The following INPP5A variants were observed in gnomAD, a reference collection of about 807,000 sequenced individuals.
INPP5A encodes inositol polyphosphate-5-phosphatase A.
Under a neutral mutation model 65.2 loss-of-function variants are expected in INPP5A, and 14 were observed. The ratio of observed to expected loss-of-function variants is 0.21; its 90% confidence interval spans 0.14 to 0.34. The LOEUF (loss-of-function observed/expected upper bound fraction) is 0.34. Ranked by LOEUF, INPP5A falls within the 10% of genes least tolerant of loss-of-function variation. The pLI, the probability that INPP5A is intolerant of heterozygous loss-of-function variation, is 1.00. For missense variants in INPP5A, 431 were observed against 545.6 expected (o/e 0.79, Z 2.09); for synonymous variants, 207 against 208.3 (o/e 0.99, Z 0.05).
chr10:132,733,847 C>T (rs898481355), intron 9 of INPP5A, among the ~76,000 whole-genome samples: 2 of 152,250 alleles, frequency 1.3e-5, no homozygotes, highest in Admixed American at 6.5e-5. Context: ...CTCCACTTGG[C>T]CCTGTGGCAC....
rs1000825434 is a variant in INPP5A, at chr10:132,749,405, C to T, written c.733-112C>T. On this transcript the variant is annotated intron_variant, in intron 9 of 15. Coordinates refer to ENST00000368594, the MANE Select transcript of INPP5A (RefSeq NM_005539.5). Reference sequence around the variant, plus strand: ...AGGTGCGGAAATCTGGGTGTGACACCAGCTGCTGTCTGGAACCAGCCATCC... The same window carrying T: ...AGGTGCGGAAATCTGGGTGTGACACTAGCTGCTGTCTGGAACCAGCCATCC... 1.1e-5 allele frequency: 10 copies of T among 933,924 alleles called. No homozygotes were observed. In the Admixed American group the frequency reaches 1.2e-4, roughly 11 times the overall value. 57.9% of individuals were successfully genotyped at this position (933,924 alleles called of 1,614,324 possible). A position where few individuals can be genotyped will look rare whatever the true frequency, so the allele number is the denominator to read the frequency against.
At chr10:132,726,060 GT>G (rs1468020090) in intron 8 of INPP5A, among the ~76,000 whole-genome samples, 1 of 152,062 alleles carries the variant, frequency 6.6e-6, no homozygotes, top group Non-Finnish European at 1.5e-5. Flanking sequence ...GTTTGAGTGA[GT>G]TGGCGGTTTC....
At chr10:132,544,784 T>C (rs1318470652) in intron 1 of INPP5A, among the ~76,000 whole-genome samples, 1 of 152,142 alleles carries the variant, frequency 6.6e-6, no homozygotes, top group Non-Finnish European at 1.5e-5. Context: ...CAGGCTGTGC[T>C]CTTTGGATTG....
chr10:132,583,772 A>C (rs370317045), intron 1 of INPP5A, among the ~76,000 whole-genome samples: 6 of 152,186 alleles, frequency 3.9e-5, no homozygotes, highest in Non-Finnish European at 8.8e-5. Flanking sequence ...ACTTGGTCAC[A>C]TTATATTCCT....
intron 1 of INPP5A, among the ~76,000 whole-genome samples, chr10:132,556,782 T>TG (rs2071132678): frequency 6.6e-6 from 1 of 152,168 alleles, no homozygotes; most frequent in South Asian, 2.1e-4. Flanking sequence ...GGGGATTTTT[T>TG]TTTTTGGTTT....
At chr10:132,641,422 A>G (rs1421675726) in intron 2 of INPP5A, among the ~76,000 whole-genome samples, 1 of 152,230 alleles carries the variant, frequency 6.6e-6, no homozygotes, top group Non-Finnish European at 1.5e-5. Context: ...ATATTTCTCC[A>G]TACAGCTAAC....
In INPP5A at chr10:132,631,130, A is replaced by C. The variant is rs145341830; in HGVS notation, c.118-14738A>C. Among the ~76,000 whole-genome samples the C allele has an allele frequency of 5.2e-3, 792 of 152,256 alleles. 5 individuals carry two copies. The highest frequency in any genetic ancestry group is 0.018 in the African/African-American group (751 of 41,554). On this transcript the variant is annotated intron_variant, in intron 2 of 15. Transcript: ENST00000368594. ...CCAAGGAAAGGCAGCTCCAGATCAC[A>C]CAGGCTGGCCAGGCTGCCTGCGGTG...
At chr10:132,780,709 G>A in intron 13 of INPP5A, 140 bp from the exon 14 acceptor site, 2 of 744,700 alleles carry the variant, frequency 2.7e-6, no homozygotes, top group Non-Finnish European at 4.8e-6. Flanking sequence ...GCGGGTGGCA[G>A]AGGCTGGGGA....
intron 12 of INPP5A, among the ~76,000 whole-genome samples, chr10:132,773,537 T>C (rs1469763335): frequency 6.6e-6 from 1 of 152,218 alleles, no homozygotes; most frequent in African/African-American, 2.4e-5. Flanking sequence ...TAGATGTGTA[T>C]TTATAGTGTA....
chr10:132,609,213 A>G (rs2071907165), intron 2 of INPP5A, among the ~76,000 whole-genome samples: 1 of 152,228 alleles, frequency 6.6e-6, no homozygotes, highest in Non-Finnish European at 1.5e-5. Context: ...TTGAAAACAT[A>G]TATTTACAAA....
chr10:132,594,482 C>T (rs951506766), intron 1 of INPP5A, among the ~76,000 whole-genome samples: 9 of 152,074 alleles, frequency 5.9e-5, no homozygotes, highest in Non-Finnish European at 1.2e-4. Context: ...TGTGCCCACA[C>T]GCATAGGCAT....
intron 12 of INPP5A, among the ~76,000 whole-genome samples, chr10:132,767,514 T>C (rs1354626789): frequency 6.6e-6 from 1 of 152,194 alleles, no homozygotes; most frequent in Non-Finnish European, 1.5e-5. Flanking sequence ...AGCTTCTTCC[T>C]GTTCTGCAAA....
chr10:132,689,828 A>G (rs1845227157), intron 4 of INPP5A, among the ~76,000 whole-genome samples: 1 of 152,186 alleles, frequency 6.6e-6, no homozygotes, highest in South Asian at 2.1e-4. Context: ...GTGCTCTGCA[A>G]CCATCCGGCT....
intron 9 of INPP5A, among the ~76,000 whole-genome samples, chr10:132,746,616 C>T (rs374534212): frequency 4.6e-5 from 7 of 152,362 alleles, no homozygotes; most frequent in South Asian, 2.1e-4. Flanking sequence ...GTGATCCACA[C>T]GCGTGTGGAT....
chr10:132,667,891 G>C (rs1056602973), intron 4 of INPP5A, among the ~76,000 whole-genome samples: 1 of 152,126 alleles, frequency 6.6e-6, no homozygotes, highest in Non-Finnish European at 1.5e-5. Flanking sequence ...GGGTTTGGGA[G>C]GCATTTGCAG....
chr10:132,565,745 C>T (rs750503022), intron 1 of INPP5A, among the ~76,000 whole-genome samples: 221 of 142,492 alleles, frequency 1.6e-3, no homozygotes, highest in Non-Finnish European at 2.9e-3. Flanking sequence ...GTGTGTGCGC[C>T]GTTGTGTGTG....
At chr10:132,760,899 G>A (rs987239749) in intron 11 of INPP5A, among the ~76,000 whole-genome samples, 1 of 152,358 alleles carries the variant, frequency 6.6e-6, no homozygotes, top group Admixed American at 6.5e-5. Context: ...AGCAGGCAGT[G>A]TTTCCACTGT....
At chr10:132,772,586 A>G (rs59353742) in intron 12 of INPP5A, among the ~76,000 whole-genome samples, 732 of 72,330 alleles carry the variant, frequency 0.01, 5 homozygotes, top group Admixed American at 0.064. Flanking sequence ...GGAGTGGGAC[A>G]GACACTCAGC....
chr10:132,733,761 C>T (rs1846127823), intron 9 of INPP5A, among the ~76,000 whole-genome samples: 1 of 152,122 alleles, frequency 6.6e-6, no homozygotes, highest in East Asian at 1.9e-4. Flanking sequence ...GGCCTCCCTC[C>T]GTGTGTGAAC....
Sources: gnomAD v4.1 joint callset for allele counts (sites outside exome capture counted in the v4.1 genomes callset) on GRCh38, gnomAD v4.1.1 for gene constraint, MANE v1.5 for transcripts, NCBI Gene and HGNC (gene_info 2026-07-23, HGNC 2026-07-21) for gene names.